Variants in CALCRL observed in about 807,000 individuals in gnomAD.
The protein encoded by CALCRL is calcitonin receptor like receptor.
In CALCRL, 27 loss-of-function variants were observed where a neutral mutation model predicts 60.4. That is an observed-to-expected ratio of 0.45 (90% CI 0.33 to 0.62). The LOEUF (loss-of-function observed/expected upper bound fraction) is 0.62, where lower values mean the gene tolerates loss of function less well. Among genes scored for constraint, CALCRL ranks in the 20% least tolerant of loss-of-function variants. The probability of loss-of-function intolerance (pLI) is 0.03; values close to 1 mark genes in which losing one functional copy is unlikely to be tolerated. For synonymous variants in CALCRL, 190 were observed against 182.6 expected (o/e 1.04, Z -0.33); for missense variants, 424 against 540.7 (o/e 0.78, Z 2.14).
chr2:187,363,332 C>T (rs772030448), intron 9 of CALCRL, 44 bp downstream of exon 9: 11 of 1,567,406 alleles, frequency 7.0e-6, no homozygotes, highest in Non-Finnish European at 9.5e-6. Context: ...TTCCCCCTTT[C>T]CCATTAGGCC....
At chr2:187,383,510 C>T (rs1688070282) in intron 4 of CALCRL, among the ~76,000 whole-genome samples, 1 of 152,048 alleles carries the variant, frequency 6.6e-6, no homozygotes, top group African/African-American at 2.4e-5. Context: ...TTCAAAACAC[C>T]AACAAGATGT....
intron 8 of CALCRL, among the ~76,000 whole-genome samples, chr2:187,376,566 T>C (rs1450076189): frequency 6.6e-6 from 1 of 152,166 alleles, no homozygotes; most frequent in African/African-American, 2.4e-5. Flanking sequence ...TGTTTTCACT[T>C]GGCAGCCCTA....
At chr2:187,352,034 A>G in intron 13 of CALCRL, 73 bp from the exon 14 acceptor site, 1 of 1,508,440 alleles carries the variant, frequency 6.6e-7, no homozygotes, top group Non-Finnish European at 9.2e-7. Context: ...TAGCTGTACA[A>G]GTAGTCAGGA....
chr2:187,441,207 GTTGT>G (rs1198618397), intron 1 of CALCRL, among the ~76,000 whole-genome samples: 1 of 151,992 alleles, frequency 6.6e-6, no homozygotes, highest in Non-Finnish European at 1.5e-5. Flanking sequence ...GAATCTGGTT[GTTGT>G]TTATTTCAGG....
chr2:187,387,281 ATTG>A (rs1688246626), intron 3 of CALCRL, 45 bp downstream of exon 3: 1 of 152,832 alleles, frequency 6.5e-6, no homozygotes, highest in Non-Finnish European at 1.5e-5. Flanking sequence ...CACACTATTA[ATTG>A]TCACACACAA....
chr2:187,415,210 A>G (rs1424948346), intron 1 of CALCRL, among the ~76,000 whole-genome samples: 1 of 152,216 alleles, frequency 6.6e-6, no homozygotes, highest in Non-Finnish European at 1.5e-5. Context: ...CACTAAGTAA[A>G]TGCTTAGACA....
chr2:187,365,402 A>C (rs12988765), intron 8 of CALCRL, among the ~76,000 whole-genome samples: 6 of 152,186 alleles, frequency 3.9e-5, no homozygotes, highest in Non-Finnish European at 5.9e-5. Flanking sequence ...TATTGTTTAG[A>C]GAGAGGAACT....
intron 8 of CALCRL, among the ~76,000 whole-genome samples, chr2:187,374,696 C>G (rs1191313385): frequency 1.3e-5 from 2 of 151,978 alleles, no homozygotes; most frequent in African/African-American, 4.8e-5. Context: ...ATGAGTATTT[C>G]AGATGACTAC....
At position 187,380,594 on chromosome 2, in the gene CALCRL, A is replaced by G; in HGVS notation, c.296-15T>C. On this transcript the variant is annotated splice_polypyrimidine_tract_variant and intron_variant, in intron 6 of 14. Transcript: ENST00000392370. ...TGTAACTTTTTCTTTAAAATTAAAA[A>G]AAAAGGGAAAACAGGAATTTAATTA... 6.2e-7 allele frequency: 1 copy of G among 1,602,106 alleles called. No homozygotes were observed. The highest frequency in any genetic ancestry group is 8.5e-7 in the Non-Finnish European group (1 of 1,170,126).
At chr2:187,370,071 C>T (rs1301103952) in intron 8 of CALCRL, among the ~76,000 whole-genome samples, 1 of 152,150 alleles carries the variant, frequency 6.6e-6, no homozygotes, top group Non-Finnish European at 1.5e-5. Flanking sequence ...GCTTTTTTAA[C>T]AATTAATGAA....
At chr2:187,446,829 T>C (rs1054784505) in intron 1 of CALCRL, among the ~76,000 whole-genome samples, 4 of 151,844 alleles carry the variant, frequency 2.6e-5, no homozygotes, top group African/African-American at 4.8e-5. Flanking sequence ...TGTGGAAAAA[T>C]TGAGTTGTAA....
chr2:187,365,298 C>G (rs1687229817), intron 8 of CALCRL, among the ~76,000 whole-genome samples: 1 of 152,044 alleles, frequency 6.6e-6, no homozygotes, highest in Admixed American at 6.6e-5. Flanking sequence ...CATCAGTGTT[C>G]CATTATGAAA....
At position 187,418,221 on chromosome 2, in the gene CALCRL, G is replaced by A. The variant is rs183651328; in HGVS notation, c.-293+29818C>T. ...TCTGGTCATTAAAAGAAAAAAAATT[G>A]TGTATATCATTCTCTGCATCAATTT... On this transcript the variant is annotated intron_variant, in intron 1 of 14. Coordinates refer to ENST00000392370, the MANE Select transcript of CALCRL (RefSeq NM_005795.6). Among the ~76,000 whole-genome samples, 672 of 152,220 alleles carry A rather than the reference G, an allele frequency of 4.4e-3. 4 individuals are homozygous for A. The highest frequency in any genetic ancestry group is 0.015 in the African/African-American group (640 of 41,550).
chr2:187,391,783 T>C (rs2105803521), intron 1 of CALCRL, among the ~76,000 whole-genome samples: 1 of 152,212 alleles, frequency 6.6e-6, no homozygotes, highest in East Asian at 1.9e-4. Flanking sequence ...AAATGATATA[T>C]TTCATCACAA....
At chr2:187,413,183 A>G (rs1275356712) in intron 1 of CALCRL, among the ~76,000 whole-genome samples, 1 of 152,132 alleles carries the variant, frequency 6.6e-6, no homozygotes. Flanking sequence ...AAAATGTAGG[A>G]GAAAAAGAGA....
chr2:187,368,407 T>A (rs2105748732), intron 8 of CALCRL, among the ~76,000 whole-genome samples: 1 of 152,200 alleles, frequency 6.6e-6, no homozygotes, highest in East Asian at 1.9e-4. Context: ...AGTCATTTTT[T>A]TTCTTACCAA....
At chr2:187,443,115 T>C (rs1691000183) in intron 1 of CALCRL, among the ~76,000 whole-genome samples, 1 of 151,830 alleles carries the variant, frequency 6.6e-6, no homozygotes, top group African/African-American at 2.4e-5. Flanking sequence ...TCAATATCAA[T>C]TTTATTAGGT....
At chr2:187,362,845 G>A (rs1687115132) in intron 9 of CALCRL, among the ~76,000 whole-genome samples, 1 of 152,022 alleles carries the variant, frequency 6.6e-6, no homozygotes, top group South Asian at 2.1e-4. Context: ...TCTTATGTAG[G>A]ATATGTACAA....
At chr2:187,411,506 G>A (rs910673406) in intron 1 of CALCRL, among the ~76,000 whole-genome samples, 2 of 152,046 alleles carry the variant, frequency 1.3e-5, no homozygotes, top group African/African-American at 4.8e-5. Context: ...ATTTGAGCCA[G>A]TTTAAATCTC....
Sources: gnomAD v4.1 joint callset for allele counts (sites outside exome capture counted in the v4.1 genomes callset) on GRCh38, gnomAD v4.1.1 for gene constraint, MANE v1.5 for transcripts, NCBI Gene and HGNC (gene_info 2026-07-23, HGNC 2026-07-21) for gene names.